Variants in KCNJ12 observed in about 807,000 individuals in gnomAD.
KCNJ12 encodes the protein potassium inwardly rectifying channel subfamily J member 12.
KCNJ12 carries 2 observed loss-of-function variants against 22.3 expected under a neutral mutation model. That is an observed-to-expected ratio of 0.09 (90% CI 0.04 to 0.28). The LOEUF (loss-of-function observed/expected upper bound fraction) is 0.28, where lower values mean the gene tolerates loss of function less well. Among genes scored for constraint, KCNJ12 ranks in the 10% least tolerant of loss-of-function variants. KCNJ12 has a pLI of 1.00. For synonymous variants in KCNJ12, 117 were observed against 261.4 expected, an observed-to-expected ratio of 0.45 and a Z score of 5.33; for missense variants, 155 against 633.3, an observed-to-expected ratio of 0.24 and a Z score of 8.11.
chr17:21,382,811 G>A (rs536787303), intron 1 of KCNJ12, among the ~76,000 whole-genome samples: 1 of 152,176 alleles, frequency 6.6e-6, no homozygotes, highest in Non-Finnish European at 1.5e-5. Context: ...GGCTCACCTG[G>A]GGAGTGGGGG....
rs147919595 is a variant in KCNJ12, at chr17:21,419,057, G to T, written c.*2413G>T. ...TCCTGCCCTCTTTCTTCCTTCCCTC[G>T]TATTTATTTATTTATTTATTGCTTG... On this transcript the variant is annotated 3_prime_UTR_variant, in exon 3 of 3. Coordinates refer to ENST00000583088, the MANE Select transcript of KCNJ12 (RefSeq NM_021012.5). 2.4e-5 allele frequency: 4 copies of T among 166,840 alleles called. No homozygotes were observed. Among genetic ancestry groups the T allele is most frequent in the Non-Finnish European group, 4.4e-5 (3 of 68,080 alleles). 10.3% of individuals were successfully genotyped at this position (166,840 alleles called of 1,614,324 possible).
intron 1 of KCNJ12, among the ~76,000 whole-genome samples, chr17:21,404,391 C>A (rs2066917516): frequency 6.6e-6 from 1 of 152,284 alleles, no homozygotes; most frequent in South Asian, 2.1e-4. Context: ...GGGTTAGACA[C>A]CTCGCCTGGG....
chr17:21,377,507 T>G (rs1904705424), intron 1 of KCNJ12, among the ~76,000 whole-genome samples: 1 of 152,176 alleles, frequency 6.6e-6, no homozygotes, highest in Non-Finnish European at 1.5e-5. Context: ...CCCTTTTGCT[T>G]TTAGAAGTCG....
At chr17:21,408,130 C>G in intron 1 of KCNJ12, among the ~76,000 whole-genome samples, 1 of 152,294 alleles carries the variant, frequency 6.6e-6, no homozygotes. Context: ...GCCTGAATTC[C>G]TTTGTGACAG....
At chr17:21,385,648 C>T (rs1225428455) in intron 1 of KCNJ12, among the ~76,000 whole-genome samples, 4 of 152,220 alleles carry the variant, frequency 2.6e-5, no homozygotes, top group Non-Finnish European at 4.4e-5. Flanking sequence ...CCCCGCTGCC[C>T]TCCTCTTTTC....
At chr17:21,400,219 G>T (rs1300111057) in intron 1 of KCNJ12, among the ~76,000 whole-genome samples, 1 of 152,264 alleles carries the variant, frequency 6.6e-6, no homozygotes, top group Non-Finnish European at 1.5e-5. Context: ...CCACCTGGGG[G>T]TGGGGAGCAA....
intron 1 of KCNJ12, among the ~76,000 whole-genome samples, chr17:21,382,065 T>C (rs1904886978): frequency 6.6e-6 from 1 of 152,224 alleles, no homozygotes; most frequent in South Asian, 2.1e-4. Context: ...TCTGACCTTT[T>C]CTCTGAGCCT....
intron 1 of KCNJ12, among the ~76,000 whole-genome samples, chr17:21,386,105 T>A (rs1416305387): frequency 2.0e-5 from 3 of 152,194 alleles, no homozygotes; most frequent in Admixed American, 2.0e-4. Flanking sequence ...CATAACAGAC[T>A]GGGTGGCCTA....
chr17:21,383,806 T>C (rs1401472114), intron 1 of KCNJ12, among the ~76,000 whole-genome samples: 2 of 152,146 alleles, frequency 1.3e-5, no homozygotes, highest in Admixed American at 6.5e-5. Context: ...GGATGTGGCC[T>C]GCACAAGACC....
At chr17:21,399,252 G>A (rs921521412) in intron 1 of KCNJ12, among the ~76,000 whole-genome samples, 1 of 152,204 alleles carries the variant, frequency 6.6e-6, no homozygotes, top group Non-Finnish European at 1.5e-5. Context: ...CCGATCATGT[G>A]GCCTTTGGGC....
At chr17:21,388,027 G>A (rs1392036293) in intron 1 of KCNJ12, among the ~76,000 whole-genome samples, 1 of 152,136 alleles carries the variant, frequency 6.6e-6, no homozygotes, top group Non-Finnish European at 1.5e-5. Flanking sequence ...CCGTGAAGAT[G>A]GCAGCCCCGC....
intron 1 of KCNJ12, among the ~76,000 whole-genome samples, chr17:21,380,673 G>A (rs1235628282): frequency 2.0e-5 from 3 of 152,162 alleles, no homozygotes; most frequent in East Asian, 1.9e-4. Flanking sequence ...GGAAGGAGGG[G>A]GTGTGAGCAT....
At chr17:21,395,088 G>A (rs922351733) in intron 1 of KCNJ12, among the ~76,000 whole-genome samples, 10 of 151,484 alleles carry the variant, frequency 6.6e-5, no homozygotes, top group African/African-American at 1.5e-4. Context: ...ACTTGAGGCC[G>A]GAAGTTCAAG....
chr17:21,393,780 C>T (rs1286349657), intron 1 of KCNJ12, among the ~76,000 whole-genome samples: 5 of 152,238 alleles, frequency 3.3e-5, no homozygotes, highest in Admixed American at 3.3e-4. Context: ...GACACCAGCC[C>T]CGTGCCCCCA....
intron 1 of KCNJ12, among the ~76,000 whole-genome samples, chr17:21,378,053 G>A (rs1597548675): frequency 6.6e-6 from 1 of 152,238 alleles, no homozygotes; most frequent in Admixed American, 6.5e-5. Context: ...GCGCCGAGGC[G>A]CCCACACGCC....
At chr17:21,403,140 A>G (rs113547678) in intron 1 of KCNJ12, among the ~76,000 whole-genome samples, 13 of 152,422 alleles carry the variant, frequency 8.5e-5, no homozygotes, top group African/African-American at 2.9e-4. Flanking sequence ...AGCTTGGAGG[A>G]TGCATTGCAT....
In KCNJ12 at chr17:21,412,502, G is replaced by A. The variant is rs552322647; in HGVS notation, c.-56-2785G>A. Among the ~76,000 whole-genome samples, 196 of 152,420 alleles carry A rather than the reference G, an allele frequency of 1.3e-3. No individual in the cohort carries two copies. The East Asian group carries it at 0.035, about 27-fold the overall frequency. On this transcript the variant is annotated intron_variant, in intron 2 of 2. Coordinates refer to ENST00000583088, the MANE Select transcript of KCNJ12 (RefSeq NM_021012.5). ...CGCTGGAAGTCCCTCAAGGCCCCTG[G>A]GCCACACAAATCCAGCCCCTGTCAG...
intron 1 of KCNJ12, among the ~76,000 whole-genome samples, chr17:21,397,906 C>T (rs1335797929): frequency 1.3e-5 from 2 of 152,224 alleles, no homozygotes; most frequent in Non-Finnish European, 2.9e-5. Context: ...CCTCTCACCC[C>T]TCCCTTCTCC....
chr17:21,412,009 G>T (rs1437440687), intron 2 of KCNJ12, among the ~76,000 whole-genome samples: 2 of 152,264 alleles, frequency 1.3e-5, no homozygotes, highest in South Asian at 2.1e-4. Flanking sequence ...CCTGGGGAGG[G>T]TTTCTCTCTC....
Sources: allele counts gnomAD v4.1 joint callset (sites outside exome capture counted in the v4.1 genomes callset), GRCh38; gene constraint gnomAD v4.1.1; transcripts MANE v1.5; gene names NCBI Gene and HGNC (gene_info 2026-07-23, HGNC 2026-07-21).